FHIT: variants seen among roughly 807,000 people sequenced by gnomAD.
FHIT encodes the protein bis(5'-adenosyl)-triphosphatase.
FHIT carries 19 observed loss-of-function variants against 17.9 expected under a neutral mutation model. The observed-to-expected ratio is 1.06, with a 90% CI of 0.74 to 1.56. The LOEUF is 1.56. Ranked by LOEUF, FHIT falls within the 40% of genes most tolerant of loss-of-function variation. FHIT has a pLI of 0.00. For synonymous variants in FHIT, 81 were observed against 69.7 expected (o/e 1.16, Z -0.81); for missense variants, 248 against 189.2 (o/e 1.31, Z -1.82).
At chr3:61,047,855 G>A (rs1352226012) in intron 2 of FHIT, among the ~76,000 whole-genome samples, 3 of 59,870 alleles carry the variant, frequency 5.0e-5, no homozygotes, top group Non-Finnish European at 9.3e-5. Context: ...TGACAAACAT[G>A]AAAAAACAAG....
intron 4 of FHIT, among the ~76,000 whole-genome samples, chr3:60,545,665 C>T (rs957889338): frequency 2.6e-5 from 4 of 152,050 alleles, no homozygotes; most frequent in African/African-American, 9.7e-5. Context: ...TTTTTGCTAT[C>T]TTTTTGTTAA....
At chr3:60,308,078 T>C (rs1213849445) in intron 5 of FHIT, among the ~76,000 whole-genome samples, 4 of 152,182 alleles carry the variant, frequency 2.6e-5, no homozygotes, top group Non-Finnish European at 5.9e-5. Context: ...GTAATCGTGC[T>C]GCACAGCAGC....
chr3:60,788,136 A>T (rs781897064), intron 4 of FHIT, among the ~76,000 whole-genome samples: 1 of 152,178 alleles, frequency 6.6e-6, no homozygotes, highest in Non-Finnish European at 1.5e-5. Context: ...ATTAACAAAA[A>T]TGTTGTGAAG....
At chr3:61,239,861 C>G (rs1452562474) in intron 1 of FHIT, among the ~76,000 whole-genome samples, 2 of 149,404 alleles carry the variant, frequency 1.3e-5, no homozygotes, top group Non-Finnish European at 3.0e-5. Context: ...AATCTGAAAT[C>G]TTTTTATTTC....
chr3:60,607,751 G>A (rs1252531490), intron 4 of FHIT, among the ~76,000 whole-genome samples: 2 of 151,910 alleles, frequency 1.3e-5, no homozygotes, highest in Admixed American at 1.3e-4. Flanking sequence ...GAAAACTTTT[G>A]TCTGCAATAC....
At chr3:61,139,062 C>G (rs2036999729) in intron 2 of FHIT, among the ~76,000 whole-genome samples, 1 of 147,080 alleles carries the variant, frequency 6.8e-6, no homozygotes, top group African/African-American at 2.5e-5. Flanking sequence ...CAGAGTCTCA[C>G]TCTGTCACCA....
At chr3:60,181,684 G>T (rs1701945516) in intron 5 of FHIT, among the ~76,000 whole-genome samples, 1 of 152,140 alleles carries the variant, frequency 6.6e-6, no homozygotes, top group Admixed American at 6.5e-5. Flanking sequence ...TCTTCATACA[G>T]ATTTGTGATC....
intron 7 of FHIT, among the ~76,000 whole-genome samples, chr3:59,927,977 C>A (rs908460331): frequency 1.3e-5 from 2 of 152,156 alleles, no homozygotes; most frequent in African/African-American, 4.8e-5. Flanking sequence ...TATCGATATC[C>A]TTTTTCCTTG....
At chr3:60,465,848 G>A (rs1283604704) in intron 5 of FHIT, among the ~76,000 whole-genome samples, 1 of 151,968 alleles carries the variant, frequency 6.6e-6, no homozygotes, top group African/African-American at 2.4e-5. Context: ...TTTTTGCTCA[G>A]GATAGCTTTA....
chr3:60,311,250 C>CGTGTGTGT lies in FHIT; in HGVS notation c.103+225602_103+225609dup, dbSNP rs10621849. Among the ~76,000 whole-genome samples, 742 of 150,932 alleles carry CGTGTGTGT rather than the reference C, an allele frequency of 4.9e-3. 3 individuals are homozygous for CGTGTGTGT. Among genetic ancestry groups the CGTGTGTGT allele is most frequent in the African/African-American group, 0.015 (615 of 41,134 alleles). On this transcript the variant is annotated intron_variant, in intron 5 of 9. Transcript: ENST00000492590. ...CATGCCCCAAACCCCTCTACCCCAA[C>CGTGTGTGT]GTGTGTGTGTGTGTGTGTGTTTCAT...
intron 5 of FHIT, among the ~76,000 whole-genome samples, chr3:60,304,457 TG>T (rs1167605682): frequency 5.3e-5 from 8 of 151,984 alleles, no homozygotes; most frequent in Admixed American, 5.3e-4. Context: ...TGAGCTTTAC[TG>T]GTATCAATGA....
chr3:59,781,976 G>A (rs1320683897), intron 8 of FHIT, among the ~76,000 whole-genome samples: 2 of 152,176 alleles, frequency 1.3e-5, no homozygotes, highest in Non-Finnish European at 2.9e-5. Context: ...CTAAAATCTA[G>A]CTTTTAGGAG....
intron 4 of FHIT, among the ~76,000 whole-genome samples, chr3:60,548,412 C>G (rs1048173454): frequency 1.3e-5 from 2 of 152,048 alleles, no homozygotes; most frequent in African/African-American, 2.4e-5. Flanking sequence ...TTTTTGAGAG[C>G]ATGAGGGCCT....
chr3:60,349,366 G>A (rs1710963746), intron 5 of FHIT, among the ~76,000 whole-genome samples: 1 of 152,040 alleles, frequency 6.6e-6, no homozygotes, highest in Non-Finnish European at 1.5e-5. Flanking sequence ...CAGACACATA[G>A]TGCATTACAT....
intron 7 of FHIT, among the ~76,000 whole-genome samples, chr3:59,956,350 G>A (rs895388293): frequency 4.6e-5 from 7 of 151,968 alleles, no homozygotes; most frequent in Admixed American, 1.3e-4. Flanking sequence ...TCTGGGCAAC[G>A]AAGCAAGACC....
At chr3:59,866,717 T>C (rs944019025) in intron 8 of FHIT, among the ~76,000 whole-genome samples, 1 of 152,070 alleles carries the variant, frequency 6.6e-6, no homozygotes, top group African/African-American at 2.4e-5. Flanking sequence ...ACACGTGGTA[T>C]GTGGGGAGGG....
At chr3:60,128,049 T>TA (rs1705639550) in intron 5 of FHIT, among the ~76,000 whole-genome samples, 1 of 152,224 alleles carries the variant, frequency 6.6e-6, no homozygotes, top group Non-Finnish European at 1.5e-5. Context: ...ATATGAAGTA[T>TA]ATACAAGTGC....
At chr3:60,018,843 G>A (rs1209675428) in intron 5 of FHIT, among the ~76,000 whole-genome samples, 1 of 152,074 alleles carries the variant, frequency 6.6e-6, no homozygotes, top group Non-Finnish European at 1.5e-5. Context: ...AGCTGGGCAT[G>A]GTGGCGGGCA....
chr3:60,867,630 A>G (rs1277334367), intron 3 of FHIT, among the ~76,000 whole-genome samples: 7 of 152,198 alleles, frequency 4.6e-5, no homozygotes, highest in African/African-American at 1.7e-4. Flanking sequence ...GGGCAGGATC[A>G]TGTGACTAGC....
Sources: gnomAD v4.1 joint callset for allele counts (sites outside exome capture counted in the v4.1 genomes callset) on GRCh38, gnomAD v4.1.1 for gene constraint, MANE v1.5 for transcripts, NCBI Gene and HGNC (gene_info 2026-07-23, HGNC 2026-07-21) for gene names.